The following WDR70 variants were observed in gnomAD, a reference collection of about 807,000 sequenced individuals.
WDR70 encodes WD repeat-containing protein 70.
A neutral mutation model predicts 88.6 loss-of-function variants in WDR70; 53 were observed. That is an observed-to-expected ratio of 0.60 (90% confidence interval 0.48 to 0.75). The LOEUF is 0.75. WDR70 is among the 30% of genes least tolerant of loss of function. The pLI, the probability that WDR70 is intolerant of heterozygous loss-of-function variation, is 0.00. For synonymous variants in WDR70, 280 were observed against 270.0 expected (o/e 1.04, Z -0.36); for missense variants, 610 against 823.2 (o/e 0.74, Z 3.17).
chr5:37,635,668 G>C (rs1744942614), intron 10 of WDR70, among the ~76,000 whole-genome samples: 1 of 152,142 alleles, frequency 6.6e-6, no homozygotes, highest in African/African-American at 2.4e-5. Context: ...AATTGGAAAT[G>C]GTTCATTTGT....
At chr5:37,454,609 A>G (rs548485479) in intron 7 of WDR70, among the ~76,000 whole-genome samples, 3 of 152,356 alleles carry the variant, frequency 2.0e-5, no homozygotes, top group South Asian at 2.1e-4. Flanking sequence ...GGATGAGTCA[A>G]TGCTGTAGTC....
At chr5:37,566,930 G>A (rs1742761056) in intron 9 of WDR70, among the ~76,000 whole-genome samples, 1 of 152,100 alleles carries the variant, frequency 6.6e-6, no homozygotes, top group Non-Finnish European at 1.5e-5. Context: ...AGATTTCTGG[G>A]AGAAAGACAT....
chr5:37,561,356 A>G (rs1165922707), intron 9 of WDR70, among the ~76,000 whole-genome samples: 3 of 152,250 alleles, frequency 2.0e-5, no homozygotes, highest in South Asian at 2.1e-4. Context: ...TGGTCAGTCT[A>G]TAAATCCATA....
intron 10 of WDR70, among the ~76,000 whole-genome samples, chr5:37,621,186 G>A (rs1049325867): frequency 6.6e-6 from 1 of 152,106 alleles, no homozygotes; most frequent in East Asian, 1.9e-4. Context: ...CTCGAGGTAA[G>A]TCTGTTTCCC....
chr5:37,613,568 G>T (rs1744246864), intron 10 of WDR70, among the ~76,000 whole-genome samples: 2 of 152,212 alleles, frequency 1.3e-5, no homozygotes, highest in Admixed American at 1.3e-4. Flanking sequence ...GAAGACAAAA[G>T]AATTACTTTT....
intron 5 of WDR70, among the ~76,000 whole-genome samples, chr5:37,432,508 C>T (rs1349109448): frequency 2.6e-5 from 4 of 152,172 alleles, no homozygotes; most frequent in Non-Finnish European, 5.9e-5. Context: ...CCTGCCTCAG[C>T]CTCCTGAGTA....
At chr5:37,718,785 GA>G (rs920073179) in intron 13 of WDR70, among the ~76,000 whole-genome samples, 3 of 152,164 alleles carry the variant, frequency 2.0e-5, no homozygotes, top group African/African-American at 7.2e-5. Flanking sequence ...TTCCTTTGGT[GA>G]ACATTTTTTG....
chr5:37,406,805 C>T (rs943473242), intron 5 of WDR70, among the ~76,000 whole-genome samples: 1 of 152,144 alleles, frequency 6.6e-6, no homozygotes, highest in Non-Finnish European at 1.5e-5. Flanking sequence ...ATGCATCATA[C>T]CAACAGTCAG....
chr5:37,387,030 C>T (rs1038254403), intron 3 of WDR70, among the ~76,000 whole-genome samples: 5 of 150,704 alleles, frequency 3.3e-5, no homozygotes, highest in African/African-American at 4.9e-5. Context: ...ACCTGGGAGG[C>T]GGAGGTTGCA....
At chr5:37,446,330 G>A (rs557445957) in intron 7 of WDR70, among the ~76,000 whole-genome samples, 44 of 152,248 alleles carry the variant, frequency 2.9e-4, no homozygotes, top group Admixed American at 2.7e-3. Flanking sequence ...CTCATGGATA[G>A]GAAGAATCAA....
chr5:37,604,479 G>GT (rs1743974297), intron 9 of WDR70, among the ~76,000 whole-genome samples: 1 of 152,208 alleles, frequency 6.6e-6, no homozygotes, highest in Non-Finnish European at 1.5e-5. Context: ...GCTTAGGACT[G>GT]TGAGTACAAG....
intron 17 of WDR70, among the ~76,000 whole-genome samples, chr5:37,744,465 G>A (rs1748582654): frequency 6.6e-6 from 1 of 151,970 alleles, no homozygotes; most frequent in Admixed American, 6.6e-5. Flanking sequence ...CAGAAAATGG[G>A]TAATAAAAAG....
intron 9 of WDR70, among the ~76,000 whole-genome samples, chr5:37,526,060 A>G (rs1741259213): frequency 6.6e-6 from 1 of 152,232 alleles, no homozygotes; most frequent in Admixed American, 6.5e-5. Context: ...AGGTACAAGG[A>G]GGAGCTGGTA....
chr5:37,638,293 T>C (rs956465457), intron 10 of WDR70, among the ~76,000 whole-genome samples: 1 of 152,230 alleles, frequency 6.6e-6, no homozygotes, highest in African/African-American at 2.4e-5. Flanking sequence ...ATGTATTATA[T>C]TGAGTTAATG....
intron 10 of WDR70, among the ~76,000 whole-genome samples, chr5:37,659,038 T>C (rs763478282): frequency 2.0e-5 from 3 of 152,214 alleles, no homozygotes; most frequent in African/African-American, 4.8e-5. Context: ...ATATTTTCTA[T>C]CTGTAGGAGT....
intron 13 of WDR70, among the ~76,000 whole-genome samples, chr5:37,717,019 C>T (rs1021098306): frequency 1.3e-5 from 2 of 152,126 alleles, no homozygotes; most frequent in African/African-American, 4.8e-5. Flanking sequence ...GGTCTTGTAA[C>T]TCCTTCTAGT....
intron 7 of WDR70, among the ~76,000 whole-genome samples, chr5:37,463,827 G>T (rs1739084349): frequency 6.6e-6 from 1 of 152,168 alleles, no homozygotes; most frequent in South Asian, 2.1e-4. Context: ...TAACTCTGTG[G>T]CTAGCAGACT....
At chr5:37,529,698 T>C (rs1010296703) in intron 9 of WDR70, among the ~76,000 whole-genome samples, 2 of 152,168 alleles carry the variant, frequency 1.3e-5, no homozygotes, top group Admixed American at 6.5e-5. Flanking sequence ...TTACTGAATT[T>C]ATTTACCAGT....
chr5:37,438,007 C>T (rs761545982), intron 6 of WDR70, 26 bp downstream of exon 6: 3 of 1,589,466 alleles, frequency 1.9e-6, no homozygotes, highest in Non-Finnish European at 2.6e-6. Flanking sequence ...TAGTTTTTTC[C>T]TCTCTCAAAT....
Sources: allele counts gnomAD v4.1 joint callset (sites outside exome capture counted in the v4.1 genomes callset), GRCh38; gene constraint gnomAD v4.1.1; transcripts MANE v1.5; gene names NCBI Gene and HGNC (gene_info 2026-07-23, HGNC 2026-07-21).